Variants in DNAJC6 observed in about 807,000 individuals in gnomAD.
DNAJC6 encodes auxilin.
Under a neutral mutation model 110.0 loss-of-function variants are expected in DNAJC6, and 34 were observed. The ratio of observed to expected loss-of-function variants is 0.31; its 90% CI spans 0.24 to 0.41. DNAJC6 has a LOEUF of 0.41. DNAJC6 is among the 10% of genes least tolerant of loss of function. The pLI is 1.00. For synonymous variants in DNAJC6, 406 were observed against 437.2 expected, an observed-to-expected ratio of 0.93 and a Z score of 0.89; for missense variants, 1,031 against 1,207.8, an observed-to-expected ratio of 0.85 and a Z score of 2.17.
chr1:65,407,797 G>T (rs1646091469), intron 16 of DNAJC6, among the ~76,000 whole-genome samples: 1 of 152,164 alleles, frequency 6.6e-6, no homozygotes, highest in Non-Finnish European at 1.5e-5. Flanking sequence ...ATTTCAGTGT[G>T]TGCAAAAACA....
chr1:65,383,549 G>A (rs969105953), intron 5 of DNAJC6, among the ~76,000 whole-genome samples: 8 of 152,072 alleles, frequency 5.3e-5, no homozygotes, highest in South Asian at 2.1e-4. Flanking sequence ...AAGGGCAGAG[G>A]GAGTTGACAG....
chr1:65,358,749 A>G (rs530795458), intron 1 of DNAJC6, among the ~76,000 whole-genome samples: 2 of 152,334 alleles, frequency 1.3e-5, no homozygotes, highest in African/African-American at 2.4e-5. Flanking sequence ...TATTAGAGAT[A>G]TTTAACAATT....
chr1:65,382,844 T>C (rs1306935371), intron 5 of DNAJC6, among the ~76,000 whole-genome samples: 1 of 152,232 alleles, frequency 6.6e-6, no homozygotes, highest in Non-Finnish European at 1.5e-5. Context: ...AAAACTTGAA[T>C]TTGTTTAGAA....
At chr1:65,302,284 A>T (rs1411105134) in intron 1 of DNAJC6, among the ~76,000 whole-genome samples, 2 of 140,140 alleles carry the variant, frequency 1.4e-5, no homozygotes, top group Non-Finnish European at 3.1e-5. Context: ...TATATAATAT[A>T]ATATATAATA....
At chr1:65,351,909 C>G (rs951047339) in intron 1 of DNAJC6, among the ~76,000 whole-genome samples, 1 of 152,026 alleles carries the variant, frequency 6.6e-6, no homozygotes, top group South Asian at 2.1e-4. Flanking sequence ...GGATTACAGG[C>G]GTCCACCACC....
rs144893783 is a variant in DNAJC6, at chr1:65,343,042, A to T, written c.194-21593A>T. Among the ~76,000 whole-genome samples, 566 of 152,246 alleles carry T rather than the reference A, an allele frequency of 3.7e-3. 6 individuals are homozygous for T. Among genetic ancestry groups the T allele is most frequent in the African/African-American group, 0.013 (537 of 41,544 alleles). Reference sequence around the variant, plus strand: ...ATCTACTCATTTGAAGGTTAGTTTGACTTTCAAGCCTTTTGAGATCTGAGC... The same window carrying T: ...ATCTACTCATTTGAAGGTTAGTTTGTCTTTCAAGCCTTTTGAGATCTGAGC... On this transcript the variant is annotated intron_variant, in intron 1 of 18. Transcript: ENST00000371069.
upstream of DNAJC6, among the ~76,000 whole-genome samples, chr1:65,307,786 T>G (rs1645058580): frequency 6.6e-6 from 1 of 152,238 alleles, no homozygotes; most frequent in African/African-American, 2.4e-5. Flanking sequence ...CTGACAGATT[T>G]GGAAAATTGA....
intron 1 of DNAJC6, among the ~76,000 whole-genome samples, chr1:65,290,416 T>C (rs988647191): frequency 5.3e-5 from 8 of 152,362 alleles, no homozygotes; most frequent in African/African-American, 1.9e-4. Flanking sequence ...TGTTTAAGAA[T>C]TCTGTTTGCG....
intron 1 of DNAJC6, among the ~76,000 whole-genome samples, chr1:65,317,277 G>C (rs757501290): frequency 6.6e-6 from 1 of 152,176 alleles, no homozygotes; most frequent in Non-Finnish European, 1.5e-5. Flanking sequence ...TACAGTTATT[G>C]TATATTAAAC....
At chr1:65,302,073 A>G (rs1322313697) in intron 1 of DNAJC6, among the ~76,000 whole-genome samples, 1 of 129,200 alleles carries the variant, frequency 7.7e-6, no homozygotes, top group African/African-American at 3.0e-5. Flanking sequence ...TTTTATATAT[A>G]ATACGTATTA....
chr1:65,352,036 G>C (rs1376510644), intron 1 of DNAJC6, among the ~76,000 whole-genome samples: 1 of 152,142 alleles, frequency 6.6e-6, no homozygotes, highest in Non-Finnish European at 1.5e-5. Context: ...AAAGTGCTAG[G>C]ATTACAGGTG....
In DNAJC6 at chr1:65,301,662, C is replaced by T. The variant is rs532749762; in HGVS notation, c.-131+36730C>T. Among the ~76,000 whole-genome samples the T allele has an allele frequency of 5.3e-5, 8 of 152,298 alleles. No individual in the cohort carries two copies. In the South Asian group the frequency reaches 1.4e-3, roughly 28 times the overall value. ...GGGATGCCAAGCTGCCATGCCCTCTCTGGGTGCACCATCCTCCAGGAACCT... is the reference window on the plus strand; with the variant it reads ...GGGATGCCAAGCTGCCATGCCCTCTTTGGGTGCACCATCCTCCAGGAACCT... On this transcript the variant is annotated intron_variant, in intron 1 of 19. Transcript: ENST00000263441.
chr1:65,267,754 A>G (rs1653382557), intron 1 of DNAJC6, among the ~76,000 whole-genome samples: 1 of 152,176 alleles, frequency 6.6e-6, no homozygotes, highest in South Asian at 2.1e-4. Context: ...CAAATAGGTT[A>G]TGAATTACTG....
Position 65,273,498 on chromosome 1 carries a change from C to T in DNAJC6, c.-131+8566C>T, listed in dbSNP as rs1183273529. 4.6e-5 allele frequency among the ~76,000 whole-genome samples: 7 copies of T among 152,108 alleles called. No individual in the cohort carries two copies. In the South Asian group the frequency reaches 1.5e-3, roughly 32 times the overall value. ...CCTGTGATCCCAGCTACTCGGGAGG[C>T]TGAGGCAGAATTGCTTGAACCCGGG... On this transcript the variant is annotated intron_variant, in intron 1 of 19. Coordinates refer to the DNAJC6 transcript ENST00000263441.
chr1:65,310,564 C>A (rs993163540), intron 1 of DNAJC6, among the ~76,000 whole-genome samples: 1 of 152,100 alleles, frequency 6.6e-6, no homozygotes, highest in African/African-American at 2.4e-5. Flanking sequence ...CATGTGTTGG[C>A]TTTGATCTTG....
chr1:65,402,834 C>T (rs1646042609), intron 15 of DNAJC6, among the ~76,000 whole-genome samples: 1 of 152,148 alleles, frequency 6.6e-6, no homozygotes. Flanking sequence ...TTATTTTATG[C>T]AGTCATTTTC....
chr1:65,381,338 AG>A (rs1199184510), intron 5 of DNAJC6, among the ~76,000 whole-genome samples: 1 of 151,894 alleles, frequency 6.6e-6, no homozygotes, highest in Non-Finnish European at 1.5e-5. Context: ...ACTTGAGGTC[AG>A]GAGTTTGAGA....
upstream of DNAJC6, among the ~76,000 whole-genome samples, chr1:65,305,756 T>C (rs1178363562): frequency 2.3e-5 from 2 of 87,484 alleles, no homozygotes; most frequent in Non-Finnish European, 4.5e-5. Flanking sequence ...AAACTGCTTT[T>C]ATGTTATCAT....
chr1:65,406,248 T>G, intron 16 of DNAJC6, 115 bp downstream of exon 16: 1 of 1,381,850 alleles, frequency 7.2e-7, no homozygotes, highest in Admixed American at 2.2e-5. Flanking sequence ...ATTCAGTAGT[T>G]TCTGAGGGAA....
Sources: allele counts gnomAD v4.1 joint callset (sites outside exome capture counted in the v4.1 genomes callset), GRCh38; gene constraint gnomAD v4.1.1; transcripts MANE v1.5; gene names NCBI Gene and HGNC (gene_info 2026-07-23, HGNC 2026-07-21).